The following CDC25A variants were observed in gnomAD, a reference collection of about 807,000 sequenced individuals.
The protein encoded by CDC25A is cell division cycle 25A.
Under a neutral mutation model 64.6 loss-of-function variants are expected in CDC25A, and 17 were observed. The observed-to-expected ratio is 0.26, with a 90% CI of 0.18 to 0.39. The LOEUF is 0.39. Ranked by LOEUF, CDC25A falls within the 10% of genes least tolerant of loss-of-function variation. The pLI is 1.00. For missense variants in CDC25A, 473 were observed against 654.8 expected, an observed-to-expected ratio of 0.72 and a Z score of 3.03; for synonymous variants, 229 against 238.6, an observed-to-expected ratio of 0.96 and a Z score of 0.37.
chr3:48,180,635 T>A (rs758692144), intron 6 of CDC25A, 86 bp downstream of exon 6: 54 of 1,424,644 alleles, frequency 3.8e-5, no homozygotes, highest in Non-Finnish European at 5.0e-5. Flanking sequence ...CTAGTGCTAC[T>A]GTAGTGCCTT....
At chr3:48,169,212 G>A (rs1329447252) in intron 9 of CDC25A, among the ~76,000 whole-genome samples, 1 of 152,188 alleles carries the variant, frequency 6.6e-6, no homozygotes, top group Non-Finnish European at 1.5e-5. Flanking sequence ...TTTGATGAGT[G>A]TAAGTTTCTC....
intron 5 of CDC25A, 131 bp from the exon 6 acceptor site, chr3:48,180,971 A>T (rs1045991219): frequency 5.3e-6 from 4 of 755,574 alleles, no homozygotes; most frequent in Non-Finnish European, 8.6e-6. Context: ...AATTCCAACA[A>T]TAGATCTGCG....
intron 4 of CDC25A, 116 bp from the exon 5 acceptor site, chr3:48,183,146 C>A (rs1441206501): frequency 3.0e-6 from 2 of 670,488 alleles, no homozygotes; most frequent in Admixed American, 2.2e-5. Flanking sequence ...GCTCCTCACA[C>A]ACTGCAGTAG....
intron 3 of CDC25A, 70 bp from the exon 4 acceptor site, chr3:48,183,906 T>G: frequency 2.0e-6 from 2 of 985,668 alleles, no homozygotes; most frequent in African/African-American, 1.6e-5. Flanking sequence ...AGCAGAGAGA[T>G]AGTGTTTAGC....
intron 7 of CDC25A, among the ~76,000 whole-genome samples, 167 bp from the exon 8 acceptor site, chr3:48,177,609 T>C (rs1389505095): frequency 6.6e-6 from 1 of 152,176 alleles, no homozygotes; most frequent in African/African-American, 2.4e-5. Context: ...GCATATAGAT[T>C]GTTAGTTAGC....
At chr3:48,168,055 T>A in intron 9 of CDC25A, 111 bp from the exon 10 acceptor site, 1 of 629,294 alleles carries the variant, frequency 1.6e-6, no homozygotes, top group Admixed American at 2.8e-5. Context: ...CTACATTTAG[T>A]AAGAAGTTTT....
intron 9 of CDC25A, among the ~76,000 whole-genome samples, chr3:48,169,224 TTATAGA>T (rs1418570383): frequency 6.6e-6 from 1 of 152,202 alleles, no homozygotes; most frequent in Non-Finnish European, 1.5e-5. Flanking sequence ...AAGTTTCTCT[TTATAGA>T]TATATTCTAG....
intron 5 of CDC25A, among the ~76,000 whole-genome samples, chr3:48,182,166 T>C (rs1405843448): frequency 6.6e-6 from 1 of 152,194 alleles, no homozygotes; most frequent in East Asian, 1.9e-4. Context: ...TTCCATATTC[T>C]TTCTCATGAC....
rs77636154 is a variant in CDC25A, at chr3:48,186,894, G to C, written c.171-115C>G. ...CCAGGCTGCCAGAAACCATTTCTAG[G>C]CCACACCACAAGTGGCAAAGATCCC... On this transcript the variant is annotated intron_variant, in intron 1 of 14. Transcript: ENST00000302506. The C allele has an allele frequency of 8.3e-4, 566 of 684,162 alleles. 3 individuals are homozygous for C. In the African/African-American group the frequency reaches 9.0e-3, roughly 11 times the overall value. The allele number at this position is 684,162 out of a possible 1,614,324, so 42.4% of individuals were successfully genotyped here.
rs1018628502 is a variant in CDC25A, at chr3:48,176,935, C to A, written c.756+436G>T. On this transcript the variant is annotated intron_variant, in intron 8 of 14. Coordinates refer to ENST00000302506, the MANE Select transcript of CDC25A (RefSeq NM_001789.3). ...GCAGTGAGCCAAGATTGTGCCACTG[C>A]ACTCTAGAATGGGCAACAAGAGCGA... 5.3e-5 allele frequency among the ~76,000 whole-genome samples: 8 copies of A among 151,096 alleles called. No homozygotes were observed. In the East Asian group the frequency reaches 7.8e-4, roughly 15 times the overall value.
intron 8 of CDC25A, among the ~76,000 whole-genome samples, chr3:48,176,029 G>T (rs1430010038): frequency 6.6e-6 from 1 of 152,158 alleles, no homozygotes; most frequent in East Asian, 1.9e-4. Flanking sequence ...TTAGCCGGGA[G>T]TGGTGGCGTA....
At chr3:48,182,101 G>C (rs2032691513) in intron 5 of CDC25A, among the ~76,000 whole-genome samples, 1 of 152,176 alleles carries the variant, frequency 6.6e-6, no homozygotes, top group Admixed American at 6.5e-5. Flanking sequence ...CTTTGCCCTG[G>C]TAAAAAGCAC....
At chr3:48,171,990 T>C (rs1346155198) in intron 9 of CDC25A, among the ~76,000 whole-genome samples, 1 of 152,050 alleles carries the variant, frequency 6.6e-6, no homozygotes, top group African/African-American at 2.4e-5. Context: ...ACCTCTTTTC[T>C]ACAAAAAATA....
At chr3:48,168,144 A>G (rs1426850880) in intron 9 of CDC25A, among the ~76,000 whole-genome samples, 200 bp from the exon 10 acceptor site, 2 of 150,546 alleles carry the variant, frequency 1.3e-5, no homozygotes, top group Admixed American at 1.3e-4. Flanking sequence ...CCAGTGTCTA[A>G]CCGAATTGCT....
Position 48,167,898 on chromosome 3 carries a change from A to G in CDC25A, c.977T>C (p.Ile326Thr). 6.2e-7 allele frequency: 1 copy of G among 1,611,308 alleles called. No individual in the cohort carries two copies. The highest frequency in any genetic ancestry group is 1.1e-5 in the South Asian group (1 of 91,018). Reference protein sequence around the residue: ...LSLASSPKGTIENILDNDPRD... With the variant: ...LSLASSPKGTTENILDNDPRD... ...TGGGTCATTGTCCAAAATGTTCTCA[A>G]TGGTTCCTTTGGGGGAAGATGCCAG... Residue 326 changes from isoleucine to threonine, a missense_variant, in exon 10 of 15, where the codon ATT (isoleucine) becomes ACT (threonine). Physicochemically the swap from Ile to Thr is moderately conservative, Grantham distance 89. Around this residue, in one of 2 missense-constraint regions of CDC25A, gnomAD observed 376 missense variants for 431.9 expected, o/e 0.87. Coordinates refer to ENST00000302506, the MANE Select transcript of CDC25A (RefSeq NM_001789.3).
chr3:48,168,360 C>CCACAGACACACACA (rs1553768360), intron 9 of CDC25A, among the ~76,000 whole-genome samples: 52 of 106,538 alleles, frequency 4.9e-4, no homozygotes, highest in Non-Finnish European at 8.6e-4. Flanking sequence ...AAGACCCTGT[C>CCACAGACACACACA]CACACACACA....
intron 10 of CDC25A, among the ~76,000 whole-genome samples, chr3:48,167,267 T>TG (rs897807183): frequency 3.7e-4 from 57 of 152,340 alleles, no homozygotes; most frequent in Non-Finnish European, 5.3e-4. Context: ...AATAAAACAT[T>TG]GATCTGGTAA....
Position 48,159,463 on chromosome 3 carries a change from G to C in CDC25A, c.1323-8C>G. 1 of 1,600,456 alleles carries C rather than the reference G, an allele frequency of 6.2e-7. No individual in the cohort carries two copies. Among genetic ancestry groups the C allele is most frequent in the Non-Finnish European group, 8.6e-7 (1 of 1,167,750 alleles). On this transcript the variant is annotated splice_region_variant and splice_polypyrimidine_tract_variant and intron_variant, in intron 13 of 14. Coordinates refer to ENST00000302506, the MANE Select transcript of CDC25A (RefSeq NM_001789.3). ...TCTCTCACATACCGGCACCTAGTCA[G>C]GGGAAGGAAGGCCAAAGCAGGGTTA...
At chr3:48,169,423 A>G (rs2032182139) in intron 9 of CDC25A, among the ~76,000 whole-genome samples, 1 of 152,228 alleles carries the variant, frequency 6.6e-6, no homozygotes, top group African/African-American at 2.4e-5. Flanking sequence ...AATTCAATCC[A>G]TCCTTTCCAG....
Sources: allele counts gnomAD v4.1 joint callset (sites outside exome capture counted in the v4.1 genomes callset), GRCh38; gene constraint gnomAD v4.1.1; regional missense constraint gnomAD v4.1.1; transcripts MANE v1.5; gene names NCBI Gene and HGNC (gene_info 2026-07-23, HGNC 2026-07-21).